The following USP35 variants were observed in gnomAD, a reference collection of about 807,000 sequenced individuals.
The protein encoded by USP35 is ubiquitin specific peptidase 35.
A neutral mutation model predicts 83.8 loss-of-function variants in USP35; 69 were observed. The ratio of observed to expected loss-of-function variants is 0.82; its 90% CI spans 0.68 to 1.01. The LOEUF is 1.01. Among genes scored for constraint, USP35 ranks in the 50% least tolerant of loss-of-function variants. The pLI is 0.00. For missense variants in USP35, 1,503 were observed against 1,362.5 expected (o/e 1.10, Z -1.62); for synonymous variants, 714 against 589.5 (o/e 1.21, Z -3.06).
rs772857383 is a variant in USP35, at chr11:78,210,080, C to T, written c.2225C>T (p.Pro742Leu). The stretch of plus-strand genomic sequence containing the variant: ...GACAGCCTGGGAGCGGGGACCCACC[C>T]GGATGCTGCCATCCCCTCCGGGGAG... ...EEDSLGAGTHPDAAIPSGERT... is the reference protein window; with the variant it reads ...EEDSLGAGTHLDAAIPSGERT... Residue 742 changes from proline (P) to leucine (L), a missense_variant, in exon 10 of 11, where the codon CCG (proline) becomes CTG (leucine). By Grantham distance (98) the Pro-to-Leu change is moderately conservative. Coordinates refer to ENST00000529308, the MANE Select transcript of USP35 (RefSeq NM_020798.4). The T allele has an allele frequency of 3.7e-6, 6 of 1,614,004 alleles. No homozygotes were observed. Among genetic ancestry groups the T allele is most frequent in the Admixed American group, 3.3e-5 (2 of 60,030 alleles).
intron 6 of USP35, 77 bp from the exon 7 acceptor site, chr11:78,205,765 C>T: frequency 1.3e-6 from 2 of 1,511,250 alleles, no homozygotes; most frequent in Non-Finnish European, 1.8e-6. Context: ...TCTGAGAAGG[C>T]CTCCCAGAAG....
At chr11:78,193,595 A>G (rs535605992) in intron 1 of USP35, among the ~76,000 whole-genome samples, 1 of 152,232 alleles carries the variant, frequency 6.6e-6, no homozygotes, top group East Asian at 1.9e-4. Flanking sequence ...CCCCCATCTG[A>G]CTGGAAGCTC....
chr11:78,215,397 A>G (rs377097791), downstream of USP35: 64 of 152,750 alleles, frequency 4.2e-4, 1 homozygote, highest in African/African-American at 1.4e-3. Context: ...CAGCAAAAAC[A>G]TGACCCACTT....
chr11:78,233,100 C>T, the USP35 span, among the ~76,000 whole-genome samples: 1 of 141,950 alleles, frequency 7.0e-6, no homozygotes, highest in Non-Finnish European at 1.5e-5. Context: ...AATGCAGTGA[C>T]GTGATCTCAG....
chr11:78,231,336 G>GGTGTGTGTGTGCGTGT, the USP35 span, among the ~76,000 whole-genome samples: 3 of 145,796 alleles, frequency 2.1e-5, no homozygotes, highest in African/African-American at 7.8e-5. Flanking sequence ...GCGCGTGTGT[G>GGTGTGTGTGTGCGTGT]GTGTGTGTGT....
At chr11:78,219,326 C>T, downstream of USP35, 1 of 1,613,976 alleles carries the variant, frequency 6.2e-7, no homozygotes, top group South Asian at 1.1e-5. Flanking sequence ...CTGTCCACTC[C>T]TGCATGGTGT....
chr11:78,220,274 G>T, the USP35 span: 1 of 1,608,478 alleles, frequency 6.2e-7, no homozygotes, highest in South Asian at 1.1e-5. Context: ...TCTGCCTCCG[G>T]GACCCTGAGA....
Position 78,213,935 on chromosome 11 carries a change from C to G in USP35, c.*122C>G. Reference sequence around the variant, plus strand: ...CAGCTCATGGCACCTTAGTCCTCAGCCTGATGAAGGGTACACAGAGATTCT... The same window carrying G: ...CAGCTCATGGCACCTTAGTCCTCAGGCTGATGAAGGGTACACAGAGATTCT... On this transcript the variant is annotated 3_prime_UTR_variant, in exon 11 of 11. Transcript: ENST00000529308. 9.0e-7 allele frequency: 1 copy of G among 1,115,724 alleles called. No homozygotes were observed. The highest frequency in any genetic ancestry group is 1.2e-6 in the Non-Finnish European group (1 of 817,468). 69.1% of individuals were successfully genotyped at this position (1,115,724 alleles called of 1,614,324 possible).
intron 6 of USP35, among the ~76,000 whole-genome samples, chr11:78,204,047 C>G (rs951335258): frequency 6.6e-6 from 1 of 151,110 alleles, no homozygotes; most frequent in Non-Finnish European, 1.5e-5. Context: ...CCCGCCACTA[C>G]GCCCGGCTAA....
chr11:78,204,241 C>T lies in USP35; in HGVS notation c.1198-1601C>T, dbSNP rs971087062. Among the ~76,000 whole-genome samples, 7 of 152,288 alleles carry T rather than the reference C, an allele frequency of 4.6e-5. No individual in the cohort carries two copies. In the South Asian group the frequency reaches 6.2e-4, roughly 14 times the overall value. ...TGGCTTCACATTTGTTCTGTGGCTT[C>T]GAACACTCCTGGTACAAGCCAGTTT... On this transcript the variant is annotated intron_variant, in intron 6 of 10. Transcript: ENST00000529308.
At position 78,214,234 on chromosome 11, in the gene USP35, A is replaced by AGAGAGGCG. The variant is rs1275222810; in HGVS notation, c.*422_*423insAGAGGCGG. On this transcript the variant is annotated 3_prime_UTR_variant, in exon 11 of 11. Coordinates refer to ENST00000529308, the MANE Select transcript of USP35 (RefSeq NM_020798.4). ...ACAGCAGGATCCAAGCCTTGCACAAAGGGGTGGGGGGGGCAGTGTCTCCTC... is the reference window on the plus strand; with the variant it reads ...ACAGCAGGATCCAAGCCTTGCACAAAGAGAGGCGGGGGTGGGGGGGGCAGTGTCTCCTC... 136 of 96,186 alleles carry AGAGAGGCG rather than the reference A, an allele frequency of 1.4e-3. 1 individual carries two copies. The highest frequency in any genetic ancestry group is 6.6e-3 in the African/African-American group (129 of 19,642). 6.0% of individuals were successfully genotyped at this position (96,186 alleles called of 1,614,324 possible).
At chr11:78,209,372 A>G in intron 9 of USP35, 76 bp from the exon 10 acceptor site, 6 of 1,436,862 alleles carry the variant, frequency 4.2e-6, no homozygotes, top group Non-Finnish European at 5.6e-6. Context: ...GGGGAAGGTA[A>G]ATGGGCATGG....
chr11:78,196,009 T>C lies in USP35; in HGVS notation c.-10-227T>C, dbSNP rs544059349. On this transcript the variant is annotated intron_variant, in intron 1 of 10. Transcript: ENST00000529308. The surrounding 1 kb of genome is among the most constrained non-coding windows in gnomAD (Gnocchi z 4.8). ...TCCCAAAGTGCTGGGATTACAGGTG[T>C]GAGTCACCACGCAGGCCCCTGGCAT... Among the ~76,000 whole-genome samples the C allele has an allele frequency of 6.6e-6, 1 of 152,310 alleles. No homozygotes were observed. Among genetic ancestry groups the C allele is most frequent in the South Asian group, 2.1e-4 (1 of 4,832 alleles).
the USP35 span, chr11:78,221,867 AC>A: frequency 1.2e-6 from 1 of 846,888 alleles, no homozygotes; most frequent in Non-Finnish European, 2.0e-6. Flanking sequence ...ACCCTCACAC[AC>A]CCAGACCTCA....
In USP35 at chr11:78,209,515, C is replaced by A. The variant is rs1487853294; in HGVS notation, c.1660C>A (p.Pro554Thr). Residue 554 changes from proline to threonine, a missense_variant, in exon 10 of 11, where the codon CCG becomes ACG. Transcript: ENST00000529308. ...QKLKQSSSPS[P>T]PEEPPAPSST... is the part of the protein sequence containing the mutation. ...ACTCAAGCAGTCCAGCTCGCCCTCTCCGCCCGAGGAGCCCCCGGCCCCAAG... is the reference window on the plus strand; with the variant it reads ...ACTCAAGCAGTCCAGCTCGCCCTCTACGCCCGAGGAGCCCCCGGCCCCAAG... 3.1e-6 allele frequency: 5 copies of A among 1,614,108 alleles called. No individual in the cohort carries two copies. Among genetic ancestry groups the A allele is most frequent in the Admixed American group, 1.7e-5 (1 of 60,030 alleles).
At chr11:78,227,919 C>T in the USP35 span, among the ~76,000 whole-genome samples, 1 of 152,080 alleles carries the variant, frequency 6.6e-6, no homozygotes, top group Non-Finnish European at 1.5e-5. Flanking sequence ...GATCTCTTTC[C>T]AGAGACCTAG....
At chr11:78,197,901 C>G (rs1377534495) in intron 2 of USP35, 35 bp from the exon 3 acceptor site, 5 of 1,605,198 alleles carry the variant, frequency 3.1e-6, no homozygotes, top group African/African-American at 1.3e-5. Flanking sequence ...AGGGGCCTGC[C>G]TCCCTGCTAA....
At chr11:78,221,841 C>A in the USP35 span, 1 of 1,206,700 alleles carries the variant, frequency 8.3e-7, no homozygotes. Context: ...TGTTTCTAGC[C>A]TCCAGCTGGG....
At chr11:78,204,594 C>T (rs908697606) in intron 6 of USP35, among the ~76,000 whole-genome samples, 1 of 152,174 alleles carries the variant, frequency 6.6e-6, no homozygotes, top group African/African-American at 2.4e-5. Flanking sequence ...TCTGCGTGTG[C>T]ACGGATATGT....
Sources: allele counts gnomAD v4.1 joint callset (sites outside exome capture counted in the v4.1 genomes callset), GRCh38; gene constraint gnomAD v4.1.1; non-coding constraint Gnocchi (gnomAD v3.1); transcripts MANE v1.5; gene names NCBI Gene and HGNC (gene_info 2026-07-23, HGNC 2026-07-21).